The following CDH18 variants were observed in gnomAD, a reference collection of about 807,000 sequenced individuals.
CDH18 encodes cadherin-18.
In CDH18, 31 loss-of-function variants were observed where a neutral mutation model predicts 67.9. That is an observed-to-expected ratio of 0.46 (90% CI 0.34 to 0.62). The LOEUF is 0.62. Ranked by LOEUF, CDH18 falls within the 20% of genes least tolerant of loss-of-function variation. The pLI is 0.01. For missense variants in CDH18, 890 were observed against 975.5 expected (o/e 0.91, Z 1.17); for synonymous variants, 362 against 347.2 (o/e 1.04, Z -0.48).
At chr5:19,915,452 A>G (rs1579572555) in intron 2 of CDH18, among the ~76,000 whole-genome samples, 1 of 152,246 alleles carries the variant, frequency 6.6e-6, no homozygotes, top group East Asian at 1.9e-4. Flanking sequence ...TGTTGACTGG[A>G]AGCCTTCCTG....
intron 8 of CDH18, among the ~76,000 whole-genome samples, chr5:19,552,258 T>A (rs530958112): frequency 6.6e-6 from 1 of 152,262 alleles, no homozygotes; most frequent in Non-Finnish European, 1.5e-5. Context: ...TATTCCCTCT[T>A]TCATTGAGTA....
chr5:20,474,648 T>C (rs1028247755), intron 1 of CDH18, among the ~76,000 whole-genome samples: 12 of 152,134 alleles, frequency 7.9e-5, no homozygotes, highest in Non-Finnish European at 1.6e-4. Flanking sequence ...TAAAAAGAAA[T>C]AGTGATTGAC....
intron 5 of CDH18, among the ~76,000 whole-genome samples, chr5:19,680,234 T>C (rs377694590): frequency 2.6e-5 from 4 of 151,754 alleles, no homozygotes; most frequent in Admixed American, 6.6e-5. Flanking sequence ...ATGCAGAAGA[T>C]TGAAACTGGA....
intron 2 of CDH18, among the ~76,000 whole-genome samples, chr5:19,873,988 C>T (rs901681998): frequency 6.6e-6 from 1 of 152,124 alleles, no homozygotes. Flanking sequence ...AAATAATTTT[C>T]TCTTCAGTTT....
intron 3 of CDH18, among the ~76,000 whole-genome samples, chr5:19,787,260 G>A (rs982487958): frequency 6.6e-6 from 1 of 151,984 alleles, no homozygotes; most frequent in Non-Finnish European, 1.5e-5. Context: ...TGAGACCAGC[G>A]TGGTCAACAA....
In CDH18 at chr5:19,957,346, T is replaced by G. The variant is rs927191363; in HGVS notation, c.-257+23714A>C. Reference sequence around the variant, plus strand: ...TTATATATGTAATTATAATTTATATTTATATGTCATTATATACATCAATAA... The same window carrying G: ...TTATATATGTAATTATAATTTATATGTATATGTCATTATATACATCAATAA... On this transcript the variant is annotated intron_variant, in intron 2 of 12. Coordinates refer to ENST00000382275, the MANE Select transcript of CDH18 (RefSeq NM_004934.5). 4.8e-4 allele frequency among the ~76,000 whole-genome samples: 73 copies of G among 150,980 alleles called. 2 individuals are homozygous for G. Among genetic ancestry groups the G allele is most frequent in the African/African-American group, 1.7e-3 (70 of 41,306 alleles).
At chr5:20,192,250 T>C (rs1049527600) in intron 2 of CDH18, among the ~76,000 whole-genome samples, 3 of 151,968 alleles carry the variant, frequency 2.0e-5, no homozygotes, top group Non-Finnish European at 2.9e-5. Flanking sequence ...TTCTGGATAA[T>C]AGATCTTTGT....
intron 2 of CDH18, among the ~76,000 whole-genome samples, chr5:20,003,388 G>GAT (rs1472724778): frequency 6.6e-6 from 1 of 151,754 alleles, no homozygotes; most frequent in East Asian, 1.9e-4. Context: ...TAAGTTGCTG[G>GAT]ATGTCACACT....
At chr5:19,765,016 T>A (rs1310200845) in intron 3 of CDH18, among the ~76,000 whole-genome samples, 4 of 152,184 alleles carry the variant, frequency 2.6e-5, no homozygotes, top group African/African-American at 9.6e-5. Context: ...AAGTCTTTCT[T>A]AAATTTTTTT....
In CDH18 at chr5:19,617,151, C is replaced by T. The variant is rs545537576; in HGVS notation, c.644-4550G>A. Among the ~76,000 whole-genome samples the T allele has an allele frequency of 9.9e-4, 150 of 152,254 alleles. 1 individual carries two copies. The South Asian group carries it at 0.03, about 31-fold the overall frequency. ...AACAATTAAAAAGGCAAAGTCCTGCCATTATGTTTCCATGCATTTCTTCAC... is the reference window on the plus strand; with the variant it reads ...AACAATTAAAAAGGCAAAGTCCTGCTATTATGTTTCCATGCATTTCTTCAC... On this transcript the variant is annotated intron_variant, in intron 5 of 12. Transcript: ENST00000382275.
At chr5:20,043,344 A>G (rs1375404369) in intron 2 of CDH18, among the ~76,000 whole-genome samples, 2 of 152,076 alleles carry the variant, frequency 1.3e-5, no homozygotes, top group Non-Finnish European at 1.5e-5. Flanking sequence ...TGCCACCATT[A>G]TAATTTAACT....
intron 2 of CDH18, among the ~76,000 whole-genome samples, chr5:19,905,820 G>A (rs972541162): frequency 2.0e-5 from 3 of 151,860 alleles, no homozygotes; most frequent in African/African-American, 7.2e-5. Context: ...AAGGCTGACA[G>A]AGAATCAAAG....
chr5:19,905,389 A>G (rs1178224963), intron 2 of CDH18, among the ~76,000 whole-genome samples: 1 of 152,042 alleles, frequency 6.6e-6, no homozygotes, highest in Non-Finnish European at 1.5e-5. Flanking sequence ...CAATTTGGAA[A>G]TGGCTTGCAA....
intron 3 of CDH18, among the ~76,000 whole-genome samples, chr5:19,802,985 C>T (rs1462996102): frequency 6.6e-6 from 1 of 152,204 alleles, no homozygotes; most frequent in African/African-American, 2.4e-5. Context: ...TTTATTTTCA[C>T]CCTTCCTCAC....
At chr5:20,387,764 G>A (rs1186274986) in intron 1 of CDH18, among the ~76,000 whole-genome samples, 2 of 152,102 alleles carry the variant, frequency 1.3e-5, no homozygotes, top group Admixed American at 1.3e-4. Flanking sequence ...TTTATTGAGA[G>A]TTTTTAGCAT....
At chr5:19,625,249 C>T (rs535497051) in intron 5 of CDH18, among the ~76,000 whole-genome samples, 2 of 152,032 alleles carry the variant, frequency 1.3e-5, no homozygotes, top group African/African-American at 4.8e-5. Context: ...ATTCTACTGC[C>T]TTGTTTTGTA....
intron 2 of CDH18, among the ~76,000 whole-genome samples, chr5:20,162,849 A>G (rs1317882046): frequency 1.3e-5 from 2 of 152,000 alleles, no homozygotes; most frequent in Non-Finnish European, 2.9e-5. Context: ...ATCTGAGGTC[A>G]GGAGTTTGAG....
At chr5:20,001,204 C>G (rs1335604047) in intron 2 of CDH18, among the ~76,000 whole-genome samples, 3 of 152,006 alleles carry the variant, frequency 2.0e-5, no homozygotes, top group African/African-American at 7.2e-5. Context: ...TTACCATTTC[C>G]TTGCTTATTC....
intron 1 of CDH18, among the ~76,000 whole-genome samples, chr5:20,286,614 A>G (rs542273835): frequency 9.9e-5 from 15 of 151,714 alleles, no homozygotes; most frequent in Non-Finnish European, 1.8e-4. Flanking sequence ...AATGGTGTTT[A>G]TTAAACTTTT....
Sources: gnomAD v4.1 joint callset for allele counts (sites outside exome capture counted in the v4.1 genomes callset) on GRCh38, gnomAD v4.1.1 for gene constraint, MANE v1.5 for transcripts, NCBI Gene and HGNC (gene_info 2026-07-23, HGNC 2026-07-21) for gene names.